The following LRRTM4 variants were observed in gnomAD, a reference collection of about 807,000 sequenced individuals.
LRRTM4 encodes the protein leucine-rich repeat transmembrane neuronal protein 4.
Under a neutral mutation model 47.6 loss-of-function variants are expected in LRRTM4, and 25 were observed. The ratio of observed to expected loss-of-function variants is 0.53; its 90% CI spans 0.38 to 0.73. The LOEUF (loss-of-function observed/expected upper bound fraction) is 0.73. LRRTM4 is among the 30% of genes least tolerant of loss of function. The pLI is 0.00. For missense variants in LRRTM4, 638 were observed against 713.4 expected (o/e 0.89, Z 1.20); for synonymous variants, 311 against 269.5 (o/e 1.15, Z -1.51).
chr2:77,452,667 CT>C (rs199536521), intron 3 of LRRTM4, among the ~76,000 whole-genome samples: 1 of 151,976 alleles, frequency 6.6e-6, no homozygotes, highest in Non-Finnish European at 1.5e-5. Flanking sequence ...ATTCTTAATA[CT>C]TTTTTTTAAC....
chr2:77,067,508 C>T (rs1227128608), intron 3 of LRRTM4, among the ~76,000 whole-genome samples: 2 of 151,680 alleles, frequency 1.3e-5, no homozygotes, highest in African/African-American at 4.8e-5. Flanking sequence ...AATGTAGATA[C>T]AACTAACAAA....
chr2:77,041,022 T>TA (rs1175644772), intron 3 of LRRTM4, among the ~76,000 whole-genome samples: 1 of 151,348 alleles, frequency 6.6e-6, no homozygotes, highest in Non-Finnish European at 1.5e-5. Context: ...ACAGAACTTC[T>TA]TTCTCCTATC....
At chr2:77,107,523 A>G (rs952938377) in intron 3 of LRRTM4, among the ~76,000 whole-genome samples, 2 of 152,210 alleles carry the variant, frequency 1.3e-5, no homozygotes, top group African/African-American at 4.8e-5. Flanking sequence ...ATAGCAAGTG[A>G]TTAAAAATAA....
At chr2:77,323,568 T>C (rs1313544417) in intron 3 of LRRTM4, among the ~76,000 whole-genome samples, 1 of 152,122 alleles carries the variant, frequency 6.6e-6, no homozygotes, top group East Asian at 1.9e-4. Context: ...AGTTATTATT[T>C]AAGTAATTTC....
intron 3 of LRRTM4, among the ~76,000 whole-genome samples, chr2:76,886,753 C>T (rs753601227): frequency 6.6e-5 from 10 of 151,824 alleles, no homozygotes; most frequent in Non-Finnish European, 1.2e-4. Flanking sequence ...TATTAAATGC[C>T]TCATAAAATT....
At chr2:77,481,198 T>C (rs1263625225) in intron 3 of LRRTM4, among the ~76,000 whole-genome samples, 3 of 152,184 alleles carry the variant, frequency 2.0e-5, no homozygotes, top group Admixed American at 1.3e-4. Context: ...TAAACTGTTA[T>C]GTGTGTTAGC....
At chr2:76,944,935 C>T (rs1417946328) in intron 3 of LRRTM4, among the ~76,000 whole-genome samples, 1 of 152,000 alleles carries the variant, frequency 6.6e-6, no homozygotes, top group East Asian at 1.9e-4. Context: ...AGGAAGATGA[C>T]AGAGCTTCCT....
intron 3 of LRRTM4, among the ~76,000 whole-genome samples, chr2:77,266,992 C>T (rs967640743): frequency 3.9e-5 from 6 of 152,050 alleles, no homozygotes; most frequent in Admixed American, 1.3e-4. Context: ...GGGGTCCTTC[C>T]CCACCAAACA....
chr2:77,175,292 G>C (rs1406262491), intron 3 of LRRTM4, among the ~76,000 whole-genome samples: 1 of 151,978 alleles, frequency 6.6e-6, no homozygotes, highest in Non-Finnish European at 1.5e-5. Context: ...TAATGTAAAA[G>C]AGTCTTGGAA....
At chr2:76,886,902 C>A (rs571118063) in intron 3 of LRRTM4, among the ~76,000 whole-genome samples, 4 of 151,862 alleles carry the variant, frequency 2.6e-5, no homozygotes, top group Non-Finnish European at 5.9e-5. Flanking sequence ...CACAAGACGA[C>A]TATTGATTCA....
chr2:76,875,033 G>A (rs763591635), intron 3 of LRRTM4, among the ~76,000 whole-genome samples: 1 of 151,926 alleles, frequency 6.6e-6, no homozygotes, highest in Non-Finnish European at 1.5e-5. Context: ...CTATGGGGGT[G>A]GCATTTAGTT....
chr2:77,141,784 A>G (rs1672130317), intron 3 of LRRTM4, among the ~76,000 whole-genome samples: 1 of 152,172 alleles, frequency 6.6e-6, no homozygotes, highest in African/African-American at 2.4e-5. Context: ...TTTGACCACT[A>G]TATATATCAC....
chr2:77,033,430 T>A (rs924605383), intron 3 of LRRTM4, among the ~76,000 whole-genome samples: 2 of 148,408 alleles, frequency 1.3e-5, no homozygotes, highest in African/African-American at 5.0e-5. Flanking sequence ...ATGCATAGTT[T>A]TTTTTACTCT....
At chr2:77,292,618 A>T (rs1375053055) in intron 3 of LRRTM4, among the ~76,000 whole-genome samples, 3 of 147,672 alleles carry the variant, frequency 2.0e-5, no homozygotes, top group Admixed American at 1.4e-4. Context: ...AACACCGCAT[A>T]GTCTCACTCA....
At chr2:77,421,797 C>T (rs1019308176) in intron 3 of LRRTM4, among the ~76,000 whole-genome samples, 3 of 151,926 alleles carry the variant, frequency 2.0e-5, no homozygotes, top group Non-Finnish European at 4.4e-5. Flanking sequence ...TAGTCCAAAA[C>T]CGTCAATAAC....
At chr2:76,943,317 T>C (rs1573348182) in intron 3 of LRRTM4, among the ~76,000 whole-genome samples, 1 of 152,084 alleles carries the variant, frequency 6.6e-6, no homozygotes, top group African/African-American at 2.4e-5. Context: ...GCGCCTGTGG[T>C]CCCAGCTACT....
intron 3 of LRRTM4, among the ~76,000 whole-genome samples, chr2:77,334,201 G>A (rs1031388546): frequency 6.6e-6 from 1 of 152,110 alleles, no homozygotes; most frequent in African/African-American, 2.4e-5. Context: ...TGTCTCAGAT[G>A]AGATGTTGGA....
At chr2:76,979,526 C>G (rs74936056) in intron 3 of LRRTM4, among the ~76,000 whole-genome samples, 5,236 of 101,354 alleles carry the variant, frequency 0.052, 247 homozygotes, top group African/African-American at 0.16. Flanking sequence ...ATTCAGACTG[C>G]AAAACTGAAT....
chr2:77,221,563 C>A (rs576563311), intron 3 of LRRTM4, among the ~76,000 whole-genome samples: 1 of 151,926 alleles, frequency 6.6e-6, no homozygotes, highest in Non-Finnish European at 1.5e-5. Context: ...ATCCTACTCT[C>A]TGATAAAACA....
Sources: gnomAD v4.1 joint callset for allele counts (sites outside exome capture counted in the v4.1 genomes callset) on GRCh38, gnomAD v4.1.1 for gene constraint, MANE v1.5 for transcripts, NCBI Gene and HGNC (gene_info 2026-07-23, HGNC 2026-07-21) for gene names.